The following IFT80 variants were observed in gnomAD, a reference collection of about 807,000 sequenced individuals.
The protein encoded by IFT80 is intraflagellar transport 80, also known as intraflagellar transport protein 80 homolog.
Under a neutral mutation model 107.9 loss-of-function variants are expected in IFT80, and 79 were observed. The observed-to-expected ratio is 0.73, with a 90% CI of 0.61 to 0.88. The LOEUF (loss-of-function observed/expected upper bound fraction) is 0.88, where lower values mean the gene tolerates loss of function less well. Ranked by LOEUF, IFT80 falls within the 40% of genes least tolerant of loss-of-function variation. The pLI, the probability that IFT80 is intolerant of heterozygous loss-of-function variation, is 0.00. For missense variants in IFT80, 797 were observed against 914.2 expected (o/e 0.87, Z 1.65); for synonymous variants, 299 against 300.9 (o/e 0.99, Z 0.07).
chr3:160,378,003 G>A (rs140449141), intron 3 of IFT80: 1 of 152,836 alleles, frequency 6.5e-6, no homozygotes, highest in African/African-American at 2.4e-5. Context: ...TCTTTGCACT[G>A]TTGACTTGTC....
At chr3:160,328,008 A>T (rs1241046722) in intron 8 of IFT80, among the ~76,000 whole-genome samples, 1 of 152,192 alleles carries the variant, frequency 6.6e-6, no homozygotes, top group Non-Finnish European at 1.5e-5. Context: ...AAACAACCGC[A>T]TTAAAAAGTG....
At chr3:160,361,592 C>T (rs1721495796) in intron 6 of IFT80, among the ~76,000 whole-genome samples, 1 of 152,180 alleles carries the variant, frequency 6.6e-6, no homozygotes, top group Non-Finnish European at 1.5e-5. Flanking sequence ...AGCACCACAC[C>T]ACACTTATTC....
intron 5 of IFT80, among the ~76,000 whole-genome samples, chr3:160,370,727 G>A (rs1360019083): frequency 2.0e-5 from 3 of 152,044 alleles, no homozygotes; most frequent in Non-Finnish European, 2.9e-5. Flanking sequence ...CCATCACAGA[G>A]CTTCAAGTTC....
intron 12 of IFT80, among the ~76,000 whole-genome samples, chr3:160,289,305 G>A (rs1001494884): frequency 2.6e-5 from 4 of 152,166 alleles, no homozygotes; most frequent in African/African-American, 9.7e-5. Flanking sequence ...GGGCTTGAGG[G>A]TGAAGAGTGG....
chr3:160,384,424 C>T, intron 2 of IFT80, 140 bp downstream of exon 2: 6 of 1,361,140 alleles, frequency 4.4e-6, no homozygotes, highest in Non-Finnish European at 4.7e-6. Context: ...ATCTTAAATA[C>T]TTTAAAACAA....
At chr3:160,352,393 T>C (rs1720775296) in intron 8 of IFT80, among the ~76,000 whole-genome samples, 1 of 152,204 alleles carries the variant, frequency 6.6e-6, no homozygotes, top group Non-Finnish European at 1.5e-5. Context: ...TATACTATTC[T>C]TTTTTGGTAT....
chr3:160,392,425 T>A (rs1283691540), intron 1 of IFT80, among the ~76,000 whole-genome samples: 1 of 152,222 alleles, frequency 6.6e-6, no homozygotes, highest in Non-Finnish European at 1.5e-5. Context: ...TATTTGAATG[T>A]CTAACAGACA....
At chr3:160,287,154 A>G (rs1715153717) in intron 12 of IFT80, among the ~76,000 whole-genome samples, 1 of 152,170 alleles carries the variant, frequency 6.6e-6, no homozygotes, top group Admixed American at 6.5e-5. Flanking sequence ...ATGAGCTGGG[A>G]AGGTGATGTG....
intron 1 of IFT80, among the ~76,000 whole-genome samples, chr3:160,388,941 T>A (rs553842975): frequency 7.9e-5 from 12 of 152,252 alleles, no homozygotes; most frequent in African/African-American, 2.9e-4. Flanking sequence ...AGAAAACAAA[T>A]TCTCCCCTAG....
At chr3:160,297,446 T>C (rs2108262323) in intron 12 of IFT80, among the ~76,000 whole-genome samples, 1 of 152,122 alleles carries the variant, frequency 6.6e-6, no homozygotes, top group Non-Finnish European at 1.5e-5. Flanking sequence ...GGACAACATA[T>C]ATAGATTATA....
chr3:160,334,009 G>A (rs1719279552), intron 8 of IFT80, among the ~76,000 whole-genome samples: 1 of 152,038 alleles, frequency 6.6e-6, no homozygotes, highest in African/African-American at 2.4e-5. Flanking sequence ...ACATCACTAG[G>A]CAATAGGAAT....
rs750973890 is a variant in IFT80, at chr3:160,375,791, A to G, written c.439+21T>C. ...GTATTGTATAATTTGCAAAAATGAA[A>G]TTGTCAATTGTAAAACATACCTTGC... is the stretch of plus-strand genomic sequence containing the variant. On this transcript the variant is annotated intron_variant, in intron 5 of 19. Transcript: ENST00000326448. 3.2e-6 allele frequency: 5 copies of G among 1,585,046 alleles called. No individual in the cohort carries two copies. The African/African-American group carries it at 5.4e-5, about 17-fold the overall frequency.
intron 11 of IFT80, among the ~76,000 whole-genome samples, chr3:160,301,674 A>C (rs907283412): frequency 1.3e-5 from 2 of 151,956 alleles, no homozygotes; most frequent in Non-Finnish European, 2.9e-5. Flanking sequence ...TGACAACCAT[A>C]TTTAAGGCAC....
At chr3:160,339,495 T>G (rs924087056) in intron 8 of IFT80, among the ~76,000 whole-genome samples, 2 of 152,222 alleles carry the variant, frequency 1.3e-5, no homozygotes, top group Non-Finnish European at 2.9e-5. Flanking sequence ...AAGTTTATCC[T>G]GTATATCTAA....
intron 12 of IFT80, 113 bp from the exon 13 acceptor site, chr3:160,285,981 A>G (rs1715059061): frequency 3.0e-6 from 2 of 664,698 alleles, no homozygotes; most frequent in Admixed American, 2.9e-5. Context: ...TAGACCACAG[A>G]GAGAGCAGCA....
intron 8 of IFT80, among the ~76,000 whole-genome samples, chr3:160,325,338 A>G (rs1268123995): frequency 6.6e-6 from 1 of 152,208 alleles, no homozygotes; most frequent in Non-Finnish European, 1.5e-5. Context: ...TCCTAAGCCT[A>G]AAGTATGGTT....
chr3:160,294,665 G>GTTCT (rs1336588164), intron 12 of IFT80, among the ~76,000 whole-genome samples: 1 of 152,236 alleles, frequency 6.6e-6, no homozygotes, highest in Non-Finnish European at 1.5e-5. Context: ...TGGCCTTATT[G>GTTCT]TAAAATATTC....
intron 5 of IFT80, among the ~76,000 whole-genome samples, chr3:160,375,452 A>G (rs953310631): frequency 3.3e-5 from 5 of 152,146 alleles, no homozygotes; most frequent in African/African-American, 1.2e-4. Context: ...GATACTCAAT[A>G]TCTTTTCGTA....
At chr3:160,354,566 T>C (rs1433029040) in intron 8 of IFT80, among the ~76,000 whole-genome samples, 1 of 152,128 alleles carries the variant, frequency 6.6e-6, no homozygotes, top group Admixed American at 6.6e-5. Flanking sequence ...GGTAGGAGAA[T>C]GGCGTGAACC....
Sources: gnomAD v4.1 joint callset for allele counts (sites outside exome capture counted in the v4.1 genomes callset) on GRCh38, gnomAD v4.1.1 for gene constraint, MANE v1.5 for transcripts, NCBI Gene and HGNC (gene_info 2026-07-23, HGNC 2026-07-21) for gene names.